PCSK6: variants seen among roughly 807,000 people sequenced by gnomAD.
The protein encoded by PCSK6 is proprotein convertase subtilisin/kexin type 6.
PCSK6 carries 85 observed loss-of-function variants against 123.3 expected under a neutral mutation model. The observed-to-expected ratio is 0.69, with a 90% confidence interval of 0.58 to 0.83. The LOEUF (loss-of-function observed/expected upper bound fraction) is 0.83. Among genes scored for constraint, PCSK6 ranks in the 40% least tolerant of loss-of-function variants. PCSK6 has a pLI of 0.00. For synonymous variants in PCSK6, 508 were observed against 516.0 expected (o/e 0.98, Z 0.21); for missense variants, 1,191 against 1,282.3 (o/e 0.93, Z 1.09).
intron 13 of PCSK6, among the ~76,000 whole-genome samples, chr15:101,356,640 G>A (rs537129384): frequency 4.6e-5 from 7 of 151,520 alleles, no homozygotes; most frequent in Non-Finnish European, 5.9e-5. Flanking sequence ...AGATTGCGCC[G>A]TTGCACTCCA....
chr15:101,392,593 CT>C (rs10525638), intron 8 of PCSK6, among the ~76,000 whole-genome samples: 1,458 of 122,336 alleles, frequency 0.012, 51 homozygotes, highest in African/African-American at 0.042. Context: ...CTCCCTTCCT[CT>C]TTTTTTTTTT....
At chr15:101,328,360 C>T (rs530871394) in intron 15 of PCSK6, among the ~76,000 whole-genome samples, 118 of 152,274 alleles carry the variant, frequency 7.7e-4, no homozygotes, top group Non-Finnish European at 1.0e-3. Context: ...TTTCTAGACA[C>T]GGAATGGGAG....
intron 6 of PCSK6, among the ~76,000 whole-genome samples, chr15:101,416,161 T>G (rs1296197042): frequency 6.6e-6 from 1 of 152,188 alleles, no homozygotes; most frequent in Admixed American, 6.5e-5. Context: ...AAAATGCTGA[T>G]AGTGATATGA....
intron 6 of PCSK6, among the ~76,000 whole-genome samples, chr15:101,399,460 G>T (rs1418074126): frequency 6.6e-6 from 1 of 152,168 alleles, no homozygotes; most frequent in Non-Finnish European, 1.5e-5. Context: ...TTTAGAGGTG[G>T]AGAGTCCAGC....
At chr15:101,433,843 C>T (rs1342996477) in intron 2 of PCSK6, among the ~76,000 whole-genome samples, 1 of 152,236 alleles carries the variant, frequency 6.6e-6, no homozygotes, top group Non-Finnish European at 1.5e-5. Flanking sequence ...TGGGGATGGC[C>T]TCCAAGACAT....
chr15:101,419,818 CAATCACCA>C (rs892977461), intron 6 of PCSK6, among the ~76,000 whole-genome samples: 5 of 151,942 alleles, frequency 3.3e-5, no homozygotes, highest in Non-Finnish European at 5.9e-5. Context: ...CCACGTGTGG[CAATCACCA>C]AATATTGATT....
At chr15:101,430,599 CATA>C (rs1355473935) in intron 4 of PCSK6, among the ~76,000 whole-genome samples, 1 of 152,364 alleles carries the variant, frequency 6.6e-6, no homozygotes, top group East Asian at 1.9e-4. Flanking sequence ...GCAGTATTCA[CATA>C]ATTTTACATT....
intron 2 of PCSK6, among the ~76,000 whole-genome samples, chr15:101,438,098 G>T (rs983297077): frequency 6.6e-6 from 1 of 152,214 alleles, no homozygotes; most frequent in Non-Finnish European, 1.5e-5. Flanking sequence ...CGTAATCTCA[G>T]TCTTCCAACC....
At chr15:101,434,200 C>T (rs941050325) in intron 2 of PCSK6, among the ~76,000 whole-genome samples, 1 of 152,192 alleles carries the variant, frequency 6.6e-6, no homozygotes, top group South Asian at 2.1e-4. Flanking sequence ...CTGTTCAGCA[C>T]GCTATTACAA....
At chr15:101,420,062 G>A (rs2141084728) in intron 6 of PCSK6, among the ~76,000 whole-genome samples, 1 of 151,904 alleles carries the variant, frequency 6.6e-6, no homozygotes, top group Non-Finnish European at 1.5e-5. Context: ...ATGGTGGTGG[G>A]CACCTGTAAT....
Position 101,357,378 on chromosome 15 carries a change from C to T in PCSK6, c.1858+8818G>A, listed in dbSNP as rs80232511. Among the ~76,000 whole-genome samples, 1,912 of 152,354 alleles carry T rather than the reference C, an allele frequency of 0.013. 100 individuals are homozygous for T. The East Asian group carries it at 0.16, about 12-fold the overall frequency. ...TGACAGGCAGCTGACTCGATGCTGA[C>T]GATGCTGACCAGACCTGCATTTTCC... On this transcript the variant is annotated intron_variant, in intron 13 of 21. Transcript: ENST00000611716.
Position 101,403,156 on chromosome 15 carries a change from T to C in PCSK6, c.824-4580A>G, listed in dbSNP as rs1410989029. Among the ~76,000 whole-genome samples, 22 of 150,646 alleles carry C rather than the reference T, an allele frequency of 1.5e-4. 1 individual carries two copies. In the East Asian group the frequency reaches 3.7e-3, roughly 26 times the overall value. ...TGAAACTGGAAATCATCATTCTCAG[T>C]AAACTATCGCAAGGACAAAAAACCA... On this transcript the variant is annotated intron_variant, in intron 6 of 21. Transcript: ENST00000611716.
intron 7 of PCSK6, among the ~76,000 whole-genome samples, chr15:101,394,598 A>AACAG (rs1567187927): frequency 6.6e-6 from 1 of 152,040 alleles, no homozygotes; most frequent in African/African-American, 2.4e-5. Flanking sequence ...TTCCCAAACA[A>AACAG]ACAGAGGAAA....
In PCSK6 at chr15:101,375,314, C is replaced by CAA. The variant is rs34535327; in HGVS notation, c.1533-4793_1533-4792dup. ...TTAGGTGAGAAATAAAATTTAACCT[C>CAA]AAAAAAAAAGCTAATCCAGTACATT... On this transcript the variant is annotated intron_variant, in intron 11 of 21. Coordinates refer to ENST00000611716, the MANE Select transcript of PCSK6 (RefSeq NM_002570.5). 7.9e-4 allele frequency among the ~76,000 whole-genome samples: 119 copies of CAA among 151,234 alleles called. 1 individual carries two copies. Among genetic ancestry groups the CAA allele is most frequent in the African/African-American group, 2.3e-3 (94 of 41,236 alleles).
In PCSK6 at chr15:101,359,038, C is replaced by T. The variant is rs183836152; in HGVS notation, c.1858+7158G>A. ...ACAGAGCCTGTGGGTGACAGGAAGG[C>T]GCCCGTCCTCCCCACACACAGCAGG... On this transcript the variant is annotated intron_variant, in intron 13 of 21. Transcript: ENST00000611716. 2.7e-3 allele frequency among the ~76,000 whole-genome samples: 412 copies of T among 152,294 alleles called. 5 individuals are homozygous for T. Among genetic ancestry groups the T allele is most frequent in the African/African-American group, 9.1e-3 (377 of 41,568 alleles).
At chr15:101,432,290 A>G (rs569038796) in intron 2 of PCSK6, among the ~76,000 whole-genome samples, 190 bp from the exon 3 acceptor site, 3 of 152,234 alleles carry the variant, frequency 2.0e-5, no homozygotes, top group Admixed American at 6.5e-5. Context: ...TTGTTTGTGT[A>G]TACAGAGGAA....
At chr15:101,414,213 T>C (rs2055805425) in intron 6 of PCSK6, among the ~76,000 whole-genome samples, 1 of 152,130 alleles carries the variant, frequency 6.6e-6, no homozygotes, top group Admixed American at 6.6e-5. Flanking sequence ...AGGGAGAAAA[T>C]AATGACATTT....
chr15:101,353,546 G>A (rs1408064044), intron 13 of PCSK6, among the ~76,000 whole-genome samples: 1 of 152,316 alleles, frequency 6.6e-6, no homozygotes. Flanking sequence ...AAGTGAGGCA[G>A]CCTCTCAGCA....
intron 1 of PCSK6, among the ~76,000 whole-genome samples, chr15:101,481,876 T>A (rs1031706716): frequency 2.0e-4 from 30 of 152,224 alleles, no homozygotes; most frequent in African/African-American, 7.2e-4. Context: ...TGGAGGGCTT[T>A]TCTTTTTCCC....
Sources: gnomAD v4.1 joint callset for allele counts (sites outside exome capture counted in the v4.1 genomes callset) on GRCh38, gnomAD v4.1.1 for gene constraint, MANE v1.5 for transcripts, NCBI Gene and HGNC (gene_info 2026-07-23, HGNC 2026-07-21) for gene names.